Variants in DPY19L4 observed in about 807,000 individuals in gnomAD.
The protein encoded by DPY19L4 is dpy-19 like 4, also known as probable C-mannosyltransferase DPY19L4.
DPY19L4 carries 97 observed loss-of-function variants against 102.8 expected under a neutral mutation model. The observed-to-expected ratio is 0.94, with a 90% CI of 0.80 to 1.12. The LOEUF is 1.12. DPY19L4 is among the 50% of genes most tolerant of loss of function. The pLI, the probability that DPY19L4 is intolerant of heterozygous loss-of-function variation, is 0.00. For missense variants in DPY19L4, 815 were observed against 850.4 expected (o/e 0.96, Z 0.52); for synonymous variants, 252 against 283.1 (o/e 0.89, Z 1.10).
In DPY19L4 at chr8:94,721,732, T is replaced by G. The variant is rs193076346; in HGVS notation, c.16+1718T>G. On this transcript the variant is annotated intron_variant, in intron 1 of 18. Transcript: ENST00000414645. ...CATCATGCAAAATGAAAAATTATTT[T>G]AGACTATGGTTGTACTTAAATAGAT... Among the ~76,000 whole-genome samples, 30 of 152,346 alleles carry G rather than the reference T, an allele frequency of 2.0e-4. No individual in the cohort carries two copies. In the East Asian group the frequency reaches 5.6e-3, roughly 28 times the overall value.
chr8:94,762,195 G>A (rs1169609967), intron 8 of DPY19L4, among the ~76,000 whole-genome samples: 2 of 152,312 alleles, frequency 1.3e-5, no homozygotes, highest in South Asian at 4.1e-4. Flanking sequence ...CAAAAGTAGG[G>A]CCCTTCAGAA....
chr8:94,735,235 A>G lies in DPY19L4; in HGVS notation c.252+481A>G, dbSNP rs540827389. Among the ~76,000 whole-genome samples the G allele has an allele frequency of 3.9e-5, 6 of 152,318 alleles. No homozygotes were observed. In the South Asian group the frequency reaches 1.2e-3, roughly 32 times the overall value. On this transcript the variant is annotated intron_variant, in intron 3 of 18. Coordinates refer to ENST00000414645, the MANE Select transcript of DPY19L4 (RefSeq NM_181787.3). ...TATTTCCACAGATTCTTCAGTCACTATAGTTGTATTCATAATTTCATAGTT... is the reference window on the plus strand; with the variant it reads ...TATTTCCACAGATTCTTCAGTCACTGTAGTTGTATTCATAATTTCATAGTT...
chr8:94,761,947 T>C, intron 8 of DPY19L4, 113 bp downstream of exon 8: 1 of 1,084,824 alleles, frequency 9.2e-7, no homozygotes, highest in Non-Finnish European at 1.2e-6. Flanking sequence ...CCCCGATGCA[T>C]ACAATATTTA....
intron 3 of DPY19L4, among the ~76,000 whole-genome samples, chr8:94,736,822 A>C (rs148958713): frequency 5.4e-4 from 83 of 152,342 alleles, no homozygotes; most frequent in Admixed American, 1.4e-3. Flanking sequence ...ACAGTAATAG[A>C]AAATATGACT....
intron 1 of DPY19L4, among the ~76,000 whole-genome samples, chr8:94,721,339 G>T (rs2130773620): frequency 6.6e-6 from 1 of 152,354 alleles, no homozygotes; most frequent in East Asian, 1.9e-4. Context: ...AGTGTTTACT[G>T]ATGTGTGACT....
At chr8:94,746,953 A>G (rs1044399818) in intron 6 of DPY19L4, among the ~76,000 whole-genome samples, 9 of 152,064 alleles carry the variant, frequency 5.9e-5, no homozygotes, top group Non-Finnish European at 1.2e-4. Flanking sequence ...CACCTGTACA[A>G]CTGGGTGCTG....
intron 17 of DPY19L4, 85 bp downstream of exon 17, chr8:94,783,887 G>A: frequency 6.9e-7 from 1 of 1,453,908 alleles, no homozygotes; most frequent in South Asian, 1.4e-5. Flanking sequence ...ATGCTTCTAG[G>A]TAGCTAGGAA....
At chr8:94,788,142 AT>A in intron 18 of DPY19L4, 90 bp downstream of exon 18, 2 of 672,982 alleles carry the variant, frequency 3.0e-6, no homozygotes, top group Non-Finnish European at 4.0e-6. Context: ...TTTAAACTTT[AT>A]TTTTAGAACT....
intron 7 of DPY19L4, among the ~76,000 whole-genome samples, chr8:94,761,447 G>T (rs1486737243): frequency 1.3e-5 from 2 of 151,990 alleles, no homozygotes; most frequent in African/African-American, 2.4e-5. Flanking sequence ...CTTCCCCTTT[G>T]TCTTCCTGAA....
chr8:94,733,118 C>CA, intron 2 of DPY19L4, among the ~76,000 whole-genome samples: 1 of 76,348 alleles, frequency 1.3e-5, no homozygotes. Flanking sequence ...TCATCTTAAC[C>CA]TTTTTTTTTT....
chr8:94,788,755 G>A (rs1362390222), intron 18 of DPY19L4, among the ~76,000 whole-genome samples: 4 of 152,198 alleles, frequency 2.6e-5, no homozygotes. Context: ...GAGAAAGCTG[G>A]GAGTGAGGGA....
At chr8:94,737,688 C>A (rs1329966445) in intron 3 of DPY19L4, among the ~76,000 whole-genome samples, 1 of 151,434 alleles carries the variant, frequency 6.6e-6, no homozygotes, top group Non-Finnish European at 1.5e-5. Context: ...GAGGCTGAGG[C>A]AGGTGAATGG....
rs1174554923 is a variant in DPY19L4, at chr8:94,768,570, A to G, written c.1334+17A>G. 10 of 1,331,488 alleles carry G rather than the reference A, an allele frequency of 7.5e-6. No homozygotes were observed. Among genetic ancestry groups the G allele is most frequent in the African/African-American group, 1.5e-5 (1 of 66,148 alleles). The allele number at this position is 1,331,488 out of a possible 1,614,324, so 82.5% of individuals were successfully genotyped here. A position where few individuals can be genotyped will look rare whatever the true frequency, so the allele number is the denominator to read the frequency against. On this transcript the variant is annotated intron_variant, in intron 12 of 18. Coordinates refer to ENST00000414645, the MANE Select transcript of DPY19L4 (RefSeq NM_181787.3). ...GAGGATTAAGTAAGTACCTATGAGAATCAATCATATTACTAACATAAATTA... is the reference window on the plus strand; with the variant it reads ...GAGGATTAAGTAAGTACCTATGAGAGTCAATCATATTACTAACATAAATTA...
intron 16 of DPY19L4, among the ~76,000 whole-genome samples, 178 bp downstream of exon 16, chr8:94,781,344 C>T (rs1813424103): frequency 1.3e-5 from 2 of 152,088 alleles, no homozygotes; most frequent in African/African-American, 4.8e-5. Context: ...CCGCTCATCT[C>T]CATGGGCTTG....
chr8:94,747,013 A>AT (rs143416927), intron 6 of DPY19L4, among the ~76,000 whole-genome samples: 24,088 of 148,536 alleles, frequency 0.16, 2,017 homozygotes, highest in Admixed American at 0.22. Flanking sequence ...ACTACAAACA[A>AT]TTTTTTTTTT....
chr8:94,791,776 A>C lies in DPY19L4; in HGVS notation c.*1866A>C, dbSNP rs1159807654. 3 of 152,138 alleles carry C rather than the reference A, an allele frequency of 2.0e-5. No homozygotes were observed. The highest frequency in any genetic ancestry group is 4.4e-5 in the Non-Finnish European group (3 of 68,014). The allele number at this position is 152,138 out of a possible 1,614,324, so 9.4% of individuals were successfully genotyped here. A position where few individuals can be genotyped will look rare whatever the true frequency, so the allele number is the denominator to read the frequency against. ...TTGGTACTTGTGTTTTGTTTGACATATTAGTAAGTTGCTTTTGCTTCTTTC... is the reference window on the plus strand; with the variant it reads ...TTGGTACTTGTGTTTTGTTTGACATCTTAGTAAGTTGCTTTTGCTTCTTTC... On this transcript the variant is annotated 3_prime_UTR_variant, in exon 19 of 19. Transcript: ENST00000414645.
chr8:94,726,506 A>T, intron 2 of DPY19L4, 65 bp downstream of exon 2: 1 of 1,291,754 alleles, frequency 7.7e-7, no homozygotes, highest in South Asian at 1.4e-5. Context: ...AGTATATTTT[A>T]TGTCAATATT....
intron 17 of DPY19L4, among the ~76,000 whole-genome samples, chr8:94,786,166 G>A (rs7011853): frequency 0.019 from 2,937 of 151,940 alleles, 81 homozygotes; most frequent in Middle Eastern, 0.065. Context: ...GACGAGTCTC[G>A]CTCAGGCTGG....
Position 94,787,916 on chromosome 8 carries a change from G to T in DPY19L4, c.1871G>T (p.Arg624Leu), listed in dbSNP as rs746667790. 7.1e-7 allele frequency: 1 copy of T among 1,416,100 alleles called. No homozygotes were observed. Among genetic ancestry groups the T allele is most frequent in the South Asian group, 1.9e-5 (1 of 53,904 alleles). The allele number at this position is 1,416,100 out of a possible 1,614,324, so 87.7% of individuals were successfully genotyped here. The change falls in exon 18 of 19, where the codon CGA becomes CTA. Residue 624 changes from arginine (R) to leucine (L), a missense_variant. Transcript: ENST00000414645. ...CAGATCTACCAAATCTATTCAAAGCGATCTGCTGAGGATATTTATAAAATA... is the reference window on the plus strand; with the variant it reads ...CAGATCTACCAAATCTATTCAAAGCTATCTGCTGAGGATATTTATAAAATA... ...NENIYQIYSK[R>L]SAEDIYKILT...
Sources: allele counts gnomAD v4.1 joint callset (sites outside exome capture counted in the v4.1 genomes callset), GRCh38; gene constraint gnomAD v4.1.1; transcripts MANE v1.5; gene names NCBI Gene and HGNC (gene_info 2026-07-23, HGNC 2026-07-21).